Variants in CCDC28A observed in about 807,000 individuals in gnomAD.
The protein encoded by CCDC28A is coiled-coil domain-containing protein 28A.
In CCDC28A, 24 loss-of-function variants were observed where a neutral mutation model predicts 22.1. That is an observed-to-expected ratio of 1.09 (90% confidence interval 0.79 to 1.53). CCDC28A has a LOEUF of 1.53. CCDC28A is among the 40% of genes most tolerant of loss of function. The pLI, the probability that CCDC28A is intolerant of heterozygous loss-of-function variation, is 0.00. For missense variants in CCDC28A, 170 were observed against 210.7 expected (o/e 0.81, Z 1.20); for synonymous variants, 83 against 74.7 (o/e 1.11, Z -0.57).
At chr6:138,785,153 G>GT (rs1456391622) in intron 3 of CCDC28A, 74 bp from the exon 4 acceptor site, 9 of 931,628 alleles carry the variant, frequency 9.7e-6, no homozygotes, top group Admixed American at 4.6e-5. Flanking sequence ...AGCACCTAGA[G>GT]TTTAAGTGTT....
chr6:138,779,865 G>A lies in CCDC28A; in HGVS notation c.202G>A (p.Gly68Ser). The change falls in exon 3 of 6, where the codon GGC (glycine) becomes AGC (serine). Residue 68 changes from glycine (G) to serine (S), a missense_variant. Physicochemically the swap from Gly to Ser is moderately conservative, Grantham distance 56. Transcript: ENST00000617445. ...KTKPQGGEGK[G>S]AQSTPIQHSF... ...CAAACCTCAGGGTGGAGAGGGCAAA[G>A]GCGCTCAGTCAACTCCGATCCAGCA... 1 of 1,613,930 alleles carries A rather than the reference G, an allele frequency of 6.2e-7. No individual in the cohort carries two copies. The highest frequency in any genetic ancestry group is 8.5e-7 in the Non-Finnish European group (1 of 1,179,860).
chr6:138,776,246 A>C lies in CCDC28A; in HGVS notation c.126A>C (p.Ser42=), dbSNP rs762072633. The change falls in exon 2 of 6, where the codon TCA becomes TCC. Residue 42 remains serine, a synonymous_variant. Transcript: ENST00000617445. ...SKSTGFSNPA[S]QSTSQRPKLK... ...GCACAGGGTTTTCAAATCCTGCATCACAGTCAACTTCACAGCGACCAAAGT... is the reference window on the plus strand; with the variant it reads ...GCACAGGGTTTTCAAATCCTGCATCCCAGTCAACTTCACAGCGACCAAAGT... The C allele has an allele frequency of 6.2e-7, 1 of 1,614,026 alleles. No individual in the cohort carries two copies. The highest frequency in any genetic ancestry group is 2.2e-5 in the East Asian group (1 of 44,868).
intron 5 of CCDC28A, among the ~76,000 whole-genome samples, chr6:138,791,088 T>C (rs1414517002): frequency 6.6e-6 from 1 of 152,064 alleles, no homozygotes; most frequent in African/African-American, 2.4e-5. Flanking sequence ...TAAAATGTTA[T>C]ATATATATAT....
rs185890044 is a variant in CCDC28A, at chr6:138,789,411, A to C, written c.500+1023A>C. 4.0e-3 allele frequency among the ~76,000 whole-genome samples: 605 copies of C among 152,344 alleles called. 1 individual carries two copies. The highest frequency in any genetic ancestry group is 6.3e-3 in the Non-Finnish European group (426 of 68,030). ...AGAGTGTTCTCTGTAATACAGGGTAATTGCTACATGTGATGATGCGTATGT... is the reference window on the plus strand; with the variant it reads ...AGAGTGTTCTCTGTAATACAGGGTACTTGCTACATGTGATGATGCGTATGT... On this transcript the variant is annotated intron_variant, in intron 5 of 5. Coordinates refer to ENST00000617445, the MANE Select transcript of CCDC28A (RefSeq NM_015439.3).
rs1233184881 is a variant in CCDC28A at position 138,779,894 on chromosome 6, C to T, written c.231C>T (p.Ser77=). The part of the protein sequence containing the change: ...KGAQSTPIQH[S]FLTDVSDVQE... ...CTCAGTCAACTCCGATCCAGCACTC[C>T]TTCCTCACTGATGTCTCAGATGTTC... is the stretch of plus-strand genomic sequence containing the variant. Residue 77 remains serine (S), a synonymous_variant, in exon 3 of 6, where the codon TCC becomes TCT. Coordinates refer to ENST00000617445, the MANE Select transcript of CCDC28A (RefSeq NM_015439.3). 6.2e-7 allele frequency: 1 copy of T among 1,613,828 alleles called. No individual in the cohort carries two copies. Among genetic ancestry groups the T allele is most frequent in the Admixed American group, 1.7e-5 (1 of 60,020 alleles).
chr6:138,778,738 A>T (rs1274642008), intron 2 of CCDC28A, among the ~76,000 whole-genome samples: 1 of 151,842 alleles, frequency 6.6e-6, no homozygotes, highest in Non-Finnish European at 1.5e-5. Context: ...ATATTAGATT[A>T]TATTCAGCAG....
chr6:138,790,531 A>C (rs1775157102), intron 5 of CCDC28A, among the ~76,000 whole-genome samples: 8 of 152,134 alleles, frequency 5.3e-5, no homozygotes, highest in Admixed American at 5.2e-4. Flanking sequence ...CCTGTGGTGG[A>C]ATTTACCCAC....
chr6:138,774,123 T>C (rs11963515), intron 1 of CCDC28A, among the ~76,000 whole-genome samples: 4,063 of 152,254 alleles, frequency 0.027, 185 homozygotes, highest in African/African-American at 0.092. Flanking sequence ...AGTTTACTTA[T>C]TATGCCTTCT....
At chr6:138,779,134 G>A (rs1774980723) in intron 2 of CCDC28A, among the ~76,000 whole-genome samples, 1 of 152,170 alleles carries the variant, frequency 6.6e-6, no homozygotes, top group East Asian at 1.9e-4. Flanking sequence ...GGACTTGGCT[G>A]CCCGGTGGGG....
At chr6:138,784,549 G>A (rs1201400347) in intron 3 of CCDC28A, among the ~76,000 whole-genome samples, 1 of 151,462 alleles carries the variant, frequency 6.6e-6, no homozygotes, top group East Asian at 2.0e-4. Context: ...TTTTGTAGGG[G>A]TAGGGTCTTG....
rs755504577 is a variant in CCDC28A at position 138,779,929 on chromosome 6, A to G, written c.266A>G (p.Glu89Gly). Reference sequence around the variant, plus strand: ...GATGTCTCAGATGTTCAGGAGATGGAGAGAGGGCTGCTCAGTCTTTTGAAT... The same window carrying G: ...GATGTCTCAGATGTTCAGGAGATGGGGAGAGGGCTGCTCAGTCTTTTGAAT... ...LTDVSDVQEM[E>G]RGLLSLLNDF... Residue 89 changes from glutamate (E) to glycine (G), a missense_variant, in exon 3 of 6, where the codon GAG becomes GGG. By Grantham distance (98) the Glu-to-Gly change is moderately conservative (BLOSUM62 -2). Coordinates refer to ENST00000617445, the MANE Select transcript of CCDC28A (RefSeq NM_015439.3). 24 of 1,613,972 alleles carry G rather than the reference A, an allele frequency of 1.5e-5. 1 individual carries two copies. In the South Asian group the frequency reaches 2.6e-4, roughly 18 times the overall value.
At chr6:138,774,589 C>T (rs1018998829) in intron 1 of CCDC28A, among the ~76,000 whole-genome samples, 3 of 152,236 alleles carry the variant, frequency 2.0e-5, no homozygotes, top group Non-Finnish European at 4.4e-5. Flanking sequence ...AAAGCCTCTT[C>T]TTTGGCAGTA....
intron 1 of CCDC28A, among the ~76,000 whole-genome samples, chr6:138,774,802 C>T (rs1269917644): frequency 6.6e-6 from 1 of 152,226 alleles, no homozygotes; most frequent in Non-Finnish European, 1.5e-5. Context: ...ATGCCAAAAA[C>T]GGCCTAATGT....
chr6:138,791,760 C>G (rs770952431), intron 5 of CCDC28A, among the ~76,000 whole-genome samples: 1 of 152,202 alleles, frequency 6.6e-6, no homozygotes, highest in Admixed American at 6.5e-5. Flanking sequence ...ACCTAGCATT[C>G]TGCCTTATAT....
chr6:138,776,378 A>C (rs1487196664), intron 2 of CCDC28A, 100 bp downstream of exon 2: 2 of 971,670 alleles, frequency 2.1e-6, no homozygotes, highest in Admixed American at 1.9e-5. Context: ...CTTGACTTTT[A>C]AAACAGTTGA....
intron 3 of CCDC28A, among the ~76,000 whole-genome samples, chr6:138,781,658 G>A (rs1043828325): frequency 2.0e-5 from 3 of 152,174 alleles, no homozygotes; most frequent in Non-Finnish European, 2.9e-5. Context: ...TTGAAGATCC[G>A]TGTGTGTTTG....
intron 5 of CCDC28A, 113 bp downstream of exon 5, chr6:138,788,501 C>T (rs1191252473): frequency 1.6e-5 from 8 of 493,886 alleles, no homozygotes; most frequent in Middle Eastern, 5.8e-4. Flanking sequence ...AAAAAAGACA[C>T]GTAGTATTAT....
intron 5 of CCDC28A, among the ~76,000 whole-genome samples, chr6:138,791,849 T>C (rs1775175326): frequency 6.6e-6 from 1 of 152,260 alleles, no homozygotes; most frequent in Non-Finnish European, 1.5e-5. Context: ...AGTGCTTATG[T>C]CTGTACATTT....
At chr6:138,791,368 C>T (rs77592486) in intron 5 of CCDC28A, among the ~76,000 whole-genome samples, 10,896 of 152,216 alleles carry the variant, frequency 0.072, 705 homozygotes, top group African/African-American at 0.16. Flanking sequence ...AGGCGTGAGT[C>T]ACCACGCCCA....
Sources: gnomAD v4.1 joint callset for allele counts (sites outside exome capture counted in the v4.1 genomes callset) on GRCh38, gnomAD v4.1.1 for gene constraint, MANE v1.5 for transcripts, NCBI Gene and HGNC (gene_info 2026-07-23, HGNC 2026-07-21) for gene names.